The following SLC25A21 variants were observed in gnomAD, a reference collection of about 807,000 sequenced individuals.
SLC25A21 encodes solute carrier family 25 member 21.
SLC25A21 carries 47 observed loss-of-function variants against 43.8 expected under a neutral mutation model. That is an observed-to-expected ratio of 1.07 (90% confidence interval 0.85 to 1.37). The LOEUF is 1.37. Ranked by LOEUF, SLC25A21 falls within the 40% of genes most tolerant of loss-of-function variation. The probability of loss-of-function intolerance (pLI) is 0.00; values close to 1 mark genes in which losing one functional copy is unlikely to be tolerated. For synonymous variants in SLC25A21, 131 were observed against 121.3 expected, an observed-to-expected ratio of 1.08 and a Z score of -0.52; for missense variants, 352 against 350.2, an observed-to-expected ratio of 1.00 and a Z score of -0.04.
intron 1 of SLC25A21, among the ~76,000 whole-genome samples, chr14:36,994,290 G>A (rs1263003682): frequency 6.6e-6 from 1 of 152,150 alleles, no homozygotes; most frequent in African/African-American, 2.4e-5. Context: ...TCTTCTGTTT[G>A]TTTATTCCCT....
intron 1 of SLC25A21, among the ~76,000 whole-genome samples, chr14:37,145,314 G>A (rs1233465493): frequency 6.6e-6 from 1 of 151,820 alleles, no homozygotes; most frequent in Non-Finnish European, 1.5e-5. Context: ...TGCCCAGGCT[G>A]GAGTCAAACT....
At chr14:36,742,404 C>A (rs1156679496) in intron 3 of SLC25A21, among the ~76,000 whole-genome samples, 1 of 152,182 alleles carries the variant, frequency 6.6e-6, no homozygotes, top group East Asian at 1.9e-4. Flanking sequence ...GGTCCTGACA[C>A]TACACACTAC....
chr14:37,082,548 A>G (rs868569479), intron 1 of SLC25A21, among the ~76,000 whole-genome samples: 2 of 152,192 alleles, frequency 1.3e-5, no homozygotes, highest in East Asian at 3.9e-4. Context: ...AAGGGGAGTG[A>G]TAATACCTGA....
chr14:37,044,410 C>G (rs1362556647), intron 1 of SLC25A21, among the ~76,000 whole-genome samples: 2 of 152,264 alleles, frequency 1.3e-5, no homozygotes, highest in East Asian at 3.9e-4. Context: ...CTCCTGAAAA[C>G]TAATAGTGGA....
At chr14:37,094,020 C>G (rs1255694888) in intron 1 of SLC25A21, among the ~76,000 whole-genome samples, 1 of 152,124 alleles carries the variant, frequency 6.6e-6, no homozygotes, top group Non-Finnish European at 1.5e-5. Flanking sequence ...GAGCATATAG[C>G]AAATAGCATA....
chr14:37,038,941 T>G (rs7154531), intron 1 of SLC25A21, among the ~76,000 whole-genome samples: 1 of 152,088 alleles, frequency 6.6e-6, no homozygotes, highest in Non-Finnish European at 1.5e-5. Context: ...ACAGGCCACA[T>G]AGACAAAGGG....
chr14:36,697,357 G>T (rs920452893), intron 7 of SLC25A21, among the ~76,000 whole-genome samples: 3 of 152,198 alleles, frequency 2.0e-5, no homozygotes, highest in African/African-American at 7.2e-5. Flanking sequence ...GAATAAGTGT[G>T]ATGTGGTGCT....
At chr14:36,900,746 T>C (rs1344981980) in intron 1 of SLC25A21, among the ~76,000 whole-genome samples, 1 of 152,188 alleles carries the variant, frequency 6.6e-6, no homozygotes, top group African/African-American at 2.4e-5. Flanking sequence ...CCTAAACTTG[T>C]CATTTATAAA....
At chr14:36,801,831 C>T (rs1326350367) in intron 3 of SLC25A21, among the ~76,000 whole-genome samples, 2 of 152,152 alleles carry the variant, frequency 1.3e-5, no homozygotes, top group African/African-American at 2.4e-5. Flanking sequence ...AAACTCTAGA[C>T]AGGAAGTGCT....
At chr14:36,893,222 CTT>C (rs1184830639) in intron 1 of SLC25A21, among the ~76,000 whole-genome samples, 1 of 152,164 alleles carries the variant, frequency 6.6e-6, no homozygotes, top group African/African-American at 2.4e-5. Context: ...TGTTTCCTGA[CTT>C]TTTAATGATT....
chr14:36,986,820 G>T (rs1049985093), intron 1 of SLC25A21, among the ~76,000 whole-genome samples: 10 of 152,054 alleles, frequency 6.6e-5, no homozygotes, highest in African/African-American at 2.4e-4. Context: ...CTGGGTCTTG[G>T]AATCCCAAGA....
chr14:37,167,932 G>C (rs918491819), intron 1 of SLC25A21, among the ~76,000 whole-genome samples: 1 of 151,958 alleles, frequency 6.6e-6, no homozygotes, highest in Non-Finnish European at 1.5e-5. Flanking sequence ...AGACTGATTT[G>C]AGTAACAATA....
intron 3 of SLC25A21, among the ~76,000 whole-genome samples, chr14:36,803,924 A>G (rs1175804823): frequency 6.6e-6 from 1 of 152,230 alleles, no homozygotes; most frequent in South Asian, 2.1e-4. Flanking sequence ...AAGTTCACTC[A>G]GTGAGTCTTA....
intron 7 of SLC25A21, among the ~76,000 whole-genome samples, chr14:36,707,561 T>C (rs1883630700): frequency 6.6e-6 from 1 of 152,162 alleles, no homozygotes; most frequent in Non-Finnish European, 1.5e-5. Context: ...TAGTACAATC[T>C]AGTATATATT....
intron 1 of SLC25A21, among the ~76,000 whole-genome samples, chr14:36,934,221 C>T (rs1375573270): frequency 6.6e-6 from 1 of 152,058 alleles, no homozygotes; most frequent in East Asian, 1.9e-4. Flanking sequence ...TAAAGAACAG[C>T]TGTCTGAATC....
At chr14:37,005,565 T>C (rs945009048) in intron 1 of SLC25A21, among the ~76,000 whole-genome samples, 5 of 152,218 alleles carry the variant, frequency 3.3e-5, no homozygotes, top group African/African-American at 9.6e-5. Flanking sequence ...AGTTCACTTA[T>C]ATAGTTATCA....
chr14:37,034,776 C>T lies in SLC25A21; in HGVS notation c.70+137505G>A, dbSNP rs17106031. Among the ~76,000 whole-genome samples, 2,466 of 152,290 alleles carry T rather than the reference C, an allele frequency of 0.016. 193 individuals are homozygous for T. In the East Asian group the frequency reaches 0.26, roughly 16 times the overall value. ...TTTCCTTCAATTTGCTAAGCCAGGG[C>T]ACAGGTGAAAAGTGGTAAGAAGCAA... On this transcript the variant is annotated intron_variant, in intron 1 of 9. Transcript: ENST00000331299.
chr14:36,861,384 C>T lies in SLC25A21; in HGVS notation c.119+13572G>A, dbSNP rs550117947. 3.9e-5 allele frequency among the ~76,000 whole-genome samples: 6 copies of T among 152,154 alleles called. No individual in the cohort carries two copies. The East Asian group carries it at 9.6e-4, about 24-fold the overall frequency. On this transcript the variant is annotated intron_variant, in intron 2 of 9. Transcript: ENST00000331299. ...AATTTAGACTTCATTCGGCTTGATT[C>T]CCATATGCTCGACTCAAAAGTAGCT...
At chr14:37,013,691 T>C (rs760371215) in intron 1 of SLC25A21, among the ~76,000 whole-genome samples, 2 of 152,176 alleles carry the variant, frequency 1.3e-5, no homozygotes, top group Admixed American at 6.6e-5. Context: ...CACTCTGAAA[T>C]TGTCATAAGT....
Sources: gnomAD v4.1 joint callset for allele counts (sites outside exome capture counted in the v4.1 genomes callset) on GRCh38, gnomAD v4.1.1 for gene constraint, MANE v1.5 for transcripts, NCBI Gene and HGNC (gene_info 2026-07-23, HGNC 2026-07-21) for gene names.